Variants in HCN4 observed in about 807,000 individuals in gnomAD.
The protein encoded by HCN4 is hyperpolarization activated cyclic nucleotide gated potassium channel 4.
A neutral mutation model predicts 76.9 loss-of-function variants in HCN4; 29 were observed. That is an observed-to-expected ratio of 0.38 (90% CI 0.28 to 0.51). HCN4 has a LOEUF of 0.51. Ranked by LOEUF, HCN4 falls within the 20% of genes least tolerant of loss-of-function variation. The pLI is 0.90. For missense variants in HCN4, 1,416 were observed against 1,715.2 expected, an observed-to-expected ratio of 0.83 and a Z score of 3.08; for synonymous variants, 772 against 762.5, an observed-to-expected ratio of 1.01 and a Z score of -0.21.
At chr15:73,338,633 C>T (rs951975419) in intron 2 of HCN4, among the ~76,000 whole-genome samples, 3 of 152,204 alleles carry the variant, frequency 2.0e-5, no homozygotes, top group African/African-American at 7.2e-5. Flanking sequence ...ATTTCTCAGT[C>T]CCAAGGAGAG....
intron 1 of HCN4, among the ~76,000 whole-genome samples, chr15:73,347,003 C>G (rs1280684239): frequency 6.6e-6 from 1 of 152,202 alleles, no homozygotes; most frequent in African/African-American, 2.4e-5. Context: ...CCTCAGCTTG[C>G]TGGCCCCTCT....
chr15:73,358,505 A>G (rs946092165), intron 1 of HCN4, among the ~76,000 whole-genome samples: 1 of 152,194 alleles, frequency 6.6e-6, no homozygotes, highest in African/African-American at 2.4e-5. Context: ...TATTGCAGGC[A>G]ACACCTGCCT....
chr15:73,345,461 T>C (rs376059699), intron 1 of HCN4, among the ~76,000 whole-genome samples: 4 of 152,194 alleles, frequency 2.6e-5, no homozygotes, highest in African/African-American at 9.7e-5. Context: ...AGTACCCATA[T>C]GCCAGCTGAG....
At position 73,345,555 on chromosome 15, in the gene HCN4, G is replaced by A. The variant is rs571793342; in HGVS notation, c.786-1747C>T. Among the ~76,000 whole-genome samples the A allele has an allele frequency of 1.2e-4, 18 of 152,198 alleles. No individual in the cohort carries two copies. In the South Asian group the frequency reaches 3.5e-3, roughly 30 times the overall value. Reference sequence around the variant, plus strand: ...CAGCACACCTGCTAATGAGTCATGGGCCCCAGGAGGATGGTTTCAGCATCT... The same window carrying A: ...CAGCACACCTGCTAATGAGTCATGGACCCCAGGAGGATGGTTTCAGCATCT... On this transcript the variant is annotated intron_variant, in intron 1 of 7. Transcript: ENST00000261917.
Position 73,329,550 on chromosome 15 carries a change from G to A in HCN4, c.1590+23C>T, listed in dbSNP as rs372032237. The stretch of plus-strand genomic sequence containing the variant: ...TCCCTCTTGGGAGGGACCAATGTGC[G>A]GGTGCTCCCTGGGTAGACCTACCTT... On this transcript the variant is annotated intron_variant, in intron 4 of 7. Transcript: ENST00000261917. 4.2e-5 allele frequency: 67 copies of A among 1,609,228 alleles called. 1 individual carries two copies. The highest frequency in any genetic ancestry group is 3.9e-4 in the African/African-American group (29 of 74,836).
At chr15:73,324,812 A>C (rs2042888811) in intron 6 of HCN4, 143 bp downstream of exon 6, 1 of 970,548 alleles carries the variant, frequency 1.0e-6, no homozygotes. Flanking sequence ...AGACTGACTA[A>C]GACACCCCTA....
chr15:73,363,787 A>G (rs1362668066), intron 1 of HCN4, among the ~76,000 whole-genome samples: 1 of 152,144 alleles, frequency 6.6e-6, no homozygotes, highest in Non-Finnish European at 1.5e-5. Context: ...AGCTCACTGC[A>G]GCTTCTCACC....
At chr15:73,352,473 G>A (rs950688951) in intron 1 of HCN4, among the ~76,000 whole-genome samples, 8 of 152,192 alleles carry the variant, frequency 5.3e-5, no homozygotes, top group African/African-American at 1.4e-4. Context: ...GAAAAAGAGC[G>A]GAGACATTGA....
chr15:73,367,599 G>C lies in HCN4; in HGVS notation c.672C>G (p.Pro224=). 1.2e-6 allele frequency: 2 copies of C among 1,613,644 alleles called. No individual in the cohort carries two copies. Among genetic ancestry groups the C allele is most frequent in the East Asian group, 2.2e-5 (1 of 44,880 alleles). The change falls in exon 1 of 8, where the codon CCC becomes CCG. Residue 224 remains proline (P), a synonymous_variant. Coordinates refer to ENST00000261917, the MANE Select transcript of HCN4 (RefSeq NM_005477.3). The surrounding 1 kb of genome is among the most constrained non-coding windows in gnomAD (Gnocchi z 7.5). ...MQRQFGAMLQ[P]GVNKFSLRMF... ...TCCTTAGGGAGAATTTGTTGACCCC[G>C]GGTTGGAGCATGGCCCCGAACTGGC...
At chr15:73,353,801 C>T (rs2043065747) in intron 1 of HCN4, among the ~76,000 whole-genome samples, 1 of 152,090 alleles carries the variant, frequency 6.6e-6, no homozygotes, top group Admixed American at 6.5e-5. Flanking sequence ...TTGAAATCAC[C>T]TCCCACAGCC....
rs775134377 is a variant in HCN4 at position 73,323,488 on chromosome 15, C to G, written c.2605G>C (p.Ala869Pro). 8 of 1,603,768 alleles carry G rather than the reference C, an allele frequency of 5.0e-6. No individual in the cohort carries two copies. In the Admixed American group the frequency reaches 8.3e-5, roughly 17 times the overall value. The change falls in exon 8 of 8, where the codon GCT (alanine) becomes CCT (proline). Residue 869 changes from alanine (A) to proline (P), a missense_variant. By Grantham distance (27) the Ala-to-Pro change is conservative (BLOSUM62 -1). Around this residue, in one of 6 missense-constraint regions of HCN4, gnomAD observed 633 missense variants for 579.8 expected, o/e 1.09. Coordinates refer to ENST00000261917, the MANE Select transcript of HCN4 (RefSeq NM_005477.3). ...IQQLAGFSAP[A>P]GLSPLLPSSS... ...GAGGGCAGGAGTGGGCTCAGTCCAG[C>G]GGGGGCAGAGAATCCAGCCAGCTGT...
chr15:73,323,624 T>G lies in HCN4; in HGVS notation c.2469A>C (p.Pro823=), dbSNP rs1277454316. The G allele has an allele frequency of 6.2e-7, 1 of 1,600,292 alleles. No homozygotes were observed. Among genetic ancestry groups the G allele is most frequent in the South Asian group, 1.1e-5 (1 of 90,578 alleles). Reference sequence around the variant, plus strand: ...GGGACTGCAGCCGTTTCAGGTGCCTTGGCGTCTGCCCGGCACCGAGGTTGC... The same window carrying G: ...GGGACTGCAGCCGTTTCAGGTGCCTGGGCGTCTGCCCGGCACCGAGGTTGC... ...GLGNLGAGQT[P]RHLKRLQSLI... is the part of the protein sequence containing the mutation. Residue 823 remains proline (P), a synonymous_variant, in exon 8 of 8, where the codon CCA becomes CCC. Transcript: ENST00000261917.
rs372702029 is a variant in HCN4, at chr15:73,325,262, T to C, written c.1737+36A>G. On this transcript the variant is annotated intron_variant, in intron 5 of 7. Transcript: ENST00000261917. The surrounding 1 kb of genome is among the most constrained non-coding windows in gnomAD (Gnocchi z 7.4). Reference sequence around the variant, plus strand: ...AGGGGAGCTGGCTGCCAGGAAGGCCTGGCTCCCCTCCACGCCGGGCCGCCA... The same window carrying C: ...AGGGGAGCTGGCTGCCAGGAAGGCCCGGCTCCCCTCCACGCCGGGCCGCCA... 1.9e-6 allele frequency: 3 copies of C among 1,613,894 alleles called. No homozygotes were observed. The African/African-American group carries it at 4.0e-5, about 22-fold the overall frequency.
rs527491177 is a variant in HCN4, at chr15:73,333,664, G to A, written c.1210-1372C>T. 4.6e-5 allele frequency among the ~76,000 whole-genome samples: 7 copies of A among 152,352 alleles called. No individual in the cohort carries two copies. The South Asian group carries it at 1.2e-3, about 27-fold the overall frequency. Reference sequence around the variant, plus strand: ...AAGCTGGGAGTCTTTCCAGGATGAAGTGGACAGCGAAAGGTTCATGGGGTC... The same window carrying A: ...AAGCTGGGAGTCTTTCCAGGATGAAATGGACAGCGAAAGGTTCATGGGGTC... On this transcript the variant is annotated intron_variant, in intron 2 of 7. Transcript: ENST00000261917.
At chr15:73,345,329 C>T (rs1274526862) in intron 1 of HCN4, among the ~76,000 whole-genome samples, 1 of 152,144 alleles carries the variant, frequency 6.6e-6, no homozygotes, top group Non-Finnish European at 1.5e-5. Context: ...TTCTGCAGCT[C>T]CTTTGAAAGC....
chr15:73,324,023 T>C (rs2042882905), intron 7 of HCN4, 66 bp downstream of exon 7: 1 of 1,611,380 alleles, frequency 6.2e-7, no homozygotes, highest in African/African-American at 1.3e-5. Flanking sequence ...GGCTTAGGCA[T>C]AAAGGAGCCC....
chr15:73,328,039 A>G lies in HCN4; in HGVS notation c.1590+1534T>C, dbSNP rs900966340. ...AAACGACATACTGGGTCCTCCCCTC[A>G]TGGAGCCGTGGCCTGGAGAGGGAAG... On this transcript the variant is annotated intron_variant, in intron 4 of 7. Coordinates refer to ENST00000261917, the MANE Select transcript of HCN4 (RefSeq NM_005477.3). The surrounding 1 kb of genome is among the most constrained non-coding windows in gnomAD (Gnocchi z 4.0). Among the ~76,000 whole-genome samples, 1 of 152,160 alleles carries G rather than the reference A, an allele frequency of 6.6e-6. No individual in the cohort carries two copies.
At chr15:73,331,367 T>C (rs555699954) in intron 3 of HCN4, among the ~76,000 whole-genome samples, 13 of 152,348 alleles carry the variant, frequency 8.5e-5, no homozygotes, top group African/African-American at 3.1e-4. Context: ...GCAGCCCAGC[T>C]CTGCTGTTGG....
intron 2 of HCN4, 122 bp from the exon 3 acceptor site, chr15:73,332,414 C>T: frequency 1.0e-6 from 1 of 978,058 alleles, no homozygotes; most frequent in Non-Finnish European, 1.6e-6. Context: ...AGGGCGCCCA[C>T]TCAGTGCAAA....
Sources: allele counts gnomAD v4.1 joint callset (sites outside exome capture counted in the v4.1 genomes callset), GRCh38; gene constraint gnomAD v4.1.1; regional missense constraint gnomAD v4.1.1; non-coding constraint Gnocchi (gnomAD v3.1); transcripts MANE v1.5; gene names NCBI Gene and HGNC (gene_info 2026-07-23, HGNC 2026-07-21).